NSMCE2: variants seen among roughly 807,000 people sequenced by gnomAD.
NSMCE2 encodes E3 SUMO-protein ligase NSE2.
A neutral mutation model predicts 23.8 loss-of-function variants in NSMCE2; 24 were observed. The ratio of observed to expected loss-of-function variants is 1.01; its 90% CI spans 0.73 to 1.42. NSMCE2 has a LOEUF of 1.42. Among genes scored for constraint, NSMCE2 ranks in the 40% most tolerant of loss-of-function variants. The probability of loss-of-function intolerance (pLI) is 0.00; values close to 1 mark genes in which losing one functional copy is unlikely to be tolerated. For missense variants in NSMCE2, 284 were observed against 296.5 expected (o/e 0.96, Z 0.31); for synonymous variants, 92 against 94.1 (o/e 0.98, Z 0.13).
At chr8:125,310,035 T>C (rs1445509994) in intron 5 of NSMCE2, among the ~76,000 whole-genome samples, 1 of 152,228 alleles carries the variant, frequency 6.6e-6, no homozygotes, top group Non-Finnish European at 1.5e-5. Context: ...ACCCTCATCC[T>C]AGGTAAACAG....
chr8:125,290,120 G>A (rs1371722983), intron 5 of NSMCE2, among the ~76,000 whole-genome samples: 1 of 152,030 alleles, frequency 6.6e-6, no homozygotes, highest in African/African-American at 2.4e-5. Flanking sequence ...TAGAATTCCT[G>A]AGCATTAAAA....
At chr8:125,360,235 G>A (rs191810720) in intron 7 of NSMCE2, among the ~76,000 whole-genome samples, 14 of 152,276 alleles carry the variant, frequency 9.2e-5, no homozygotes, top group Admixed American at 3.3e-4. Flanking sequence ...ATACAGCCCC[G>A]TGGAAGTGTC....
At chr8:125,270,321 G>A (rs561856214) in intron 5 of NSMCE2, among the ~76,000 whole-genome samples, 24 of 152,084 alleles carry the variant, frequency 1.6e-4, no homozygotes, top group Admixed American at 1.1e-3. Flanking sequence ...AAAACTTAGC[G>A]GGGCATGGTG....
intron 5 of NSMCE2, among the ~76,000 whole-genome samples, chr8:125,324,280 T>G (rs142471685): frequency 2.8e-4 from 42 of 152,260 alleles, no homozygotes; most frequent in East Asian, 2.5e-3. Context: ...TAAACATATA[T>G]GACCTAGGCA....
chr8:125,298,687 G>GTTTTTGTTTT (rs370681920), intron 5 of NSMCE2, among the ~76,000 whole-genome samples: 1 of 85,954 alleles, frequency 1.2e-5, no homozygotes. Context: ...TCATCTGTGG[G>GTTTTTGTTTT]TTTTTTTTTG....
At chr8:125,136,719 C>T (rs1586492056) in intron 3 of NSMCE2, among the ~76,000 whole-genome samples, 1 of 152,100 alleles carries the variant, frequency 6.6e-6, no homozygotes. Context: ...CTTCACTCAA[C>T]AAAGAGTTTT....
intron 1 of NSMCE2, among the ~76,000 whole-genome samples, chr8:125,094,845 T>C (rs548917779): frequency 6.7e-6 from 1 of 148,588 alleles, no homozygotes; most frequent in Non-Finnish European, 1.5e-5. Flanking sequence ...GTCTCTTCCT[T>C]TTCTTTTCTT....
intron 5 of NSMCE2, among the ~76,000 whole-genome samples, chr8:125,247,542 C>T (rs534698879): frequency 5.9e-5 from 9 of 152,084 alleles, no homozygotes; most frequent in South Asian, 2.1e-4. Context: ...CTGGCCAACA[C>T]GGTGAAACCC....
intron 7 of NSMCE2, among the ~76,000 whole-genome samples, chr8:125,358,340 A>C (rs1813376550): frequency 2.6e-5 from 4 of 152,052 alleles, no homozygotes; most frequent in Admixed American, 2.6e-4. Flanking sequence ...CTCAAAAAAA[A>C]AAAAAGGTTT....
intron 5 of NSMCE2, among the ~76,000 whole-genome samples, chr8:125,252,480 C>A (rs562474747): frequency 6.6e-5 from 10 of 152,256 alleles, no homozygotes; most frequent in Admixed American, 5.9e-4. Flanking sequence ...GAGCTGAGAT[C>A]CCGCCACTGC....
At chr8:125,196,201 TTC>T (rs1232215548) in intron 5 of NSMCE2, among the ~76,000 whole-genome samples, 1 of 150,304 alleles carries the variant, frequency 6.7e-6, no homozygotes. Context: ...ACTTTTTTTT[TTC>T]TTTTTTTTTT....
chr8:125,145,299 G>A (rs1354913420), intron 3 of NSMCE2, among the ~76,000 whole-genome samples: 7 of 152,128 alleles, frequency 4.6e-5, no homozygotes, highest in Non-Finnish European at 1.0e-4. Context: ...TGACAGCCCT[G>A]GCACTGGCAT....
chr8:125,285,280 C>G (rs1827848318), intron 5 of NSMCE2, among the ~76,000 whole-genome samples: 1 of 152,080 alleles, frequency 6.6e-6, no homozygotes, highest in African/African-American at 2.4e-5. Context: ...AAAAATAAGT[C>G]ACATCGACAC....
chr8:125,292,314 G>A (rs2131166712), intron 5 of NSMCE2, among the ~76,000 whole-genome samples: 1 of 152,268 alleles, frequency 6.6e-6, no homozygotes, highest in Non-Finnish European at 1.5e-5. Context: ...CAGCACTTTG[G>A]GAAGCCAAGG....
At chr8:125,148,193 G>GTAAC (rs1820795748) in intron 3 of NSMCE2, among the ~76,000 whole-genome samples, 3 of 152,162 alleles carry the variant, frequency 2.0e-5, no homozygotes, top group Admixed American at 1.3e-4. Flanking sequence ...AGCCTGAACT[G>GTAAC]AGGCTGCCTG....
At chr8:125,348,340 T>C (rs1812870946) in intron 5 of NSMCE2, 1 of 152,228 alleles carries the variant, frequency 6.6e-6, no homozygotes, top group Non-Finnish European at 1.5e-5. Flanking sequence ...TTGTTGAAAT[T>C]TATGTTTGTT....
chr8:125,321,443 G>T (rs1348819029), intron 5 of NSMCE2, among the ~76,000 whole-genome samples: 1 of 152,130 alleles, frequency 6.6e-6, no homozygotes, highest in Non-Finnish European at 1.5e-5. Context: ...GCTTCGTGGT[G>T]AATTCTACCA....
intron 5 of NSMCE2, among the ~76,000 whole-genome samples, chr8:125,184,995 G>T (rs977653265): frequency 1.3e-5 from 2 of 152,160 alleles, no homozygotes; most frequent in African/African-American, 4.8e-5. Flanking sequence ...TGCTTTTATG[G>T]TCTACATAGA....
chr8:125,337,028 G>T (rs1262544851), intron 5 of NSMCE2, among the ~76,000 whole-genome samples: 4 of 152,142 alleles, frequency 2.6e-5, no homozygotes, highest in Non-Finnish European at 4.4e-5. Context: ...GCTTCTTATT[G>T]TTTGTGAAAT....
Sources: allele counts gnomAD v4.1 joint callset (sites outside exome capture counted in the v4.1 genomes callset), GRCh38; gene constraint gnomAD v4.1.1; transcripts MANE v1.5; gene names NCBI Gene and HGNC (gene_info 2026-07-23, HGNC 2026-07-21).